TMEM178B: variants seen among roughly 807,000 people sequenced by gnomAD.
TMEM178B encodes the protein transmembrane protein 178B.
Under a neutral mutation model 31.0 loss-of-function variants are expected in TMEM178B, and 5 were observed. The observed-to-expected ratio is 0.16, with a 90% confidence interval of 0.08 to 0.34. The LOEUF is 0.34. Ranked by LOEUF, TMEM178B falls within the 10% of genes least tolerant of loss-of-function variation. The pLI, the probability that TMEM178B is intolerant of heterozygous loss-of-function variation, is 1.00. For synonymous variants in TMEM178B, 164 were observed against 164.0 expected, an observed-to-expected ratio of 1.00 and a Z score of 0.00; for missense variants, 275 against 400.3, an observed-to-expected ratio of 0.69 and a Z score of 2.67.
chr7:141,176,702 CA>C (rs1349824758), intron 1 of TMEM178B, among the ~76,000 whole-genome samples: 1 of 152,062 alleles, frequency 6.6e-6, no homozygotes, highest in Non-Finnish European at 1.5e-5. Context: ...TGTATGTGTC[CA>C]GGAATTTATT....
intron 2 of TMEM178B, among the ~76,000 whole-genome samples, chr7:141,363,315 A>T (rs1057332743): frequency 6.6e-6 from 1 of 152,200 alleles, no homozygotes; most frequent in Non-Finnish European, 1.5e-5. Flanking sequence ...TACATCACAC[A>T]TCACTTTCTT....
rs1400100952 is a variant in TMEM178B at position 141,461,303 on chromosome 7, CCT to C, written c.635-9227_635-9226del. On this transcript the variant is annotated intron_variant, in intron 3 of 3. Coordinates refer to ENST00000565468, the MANE Select transcript of TMEM178B (RefSeq NM_001195278.2). The surrounding 1 kb of genome is among the most constrained non-coding windows in gnomAD (Gnocchi z 4.0). Reference sequence around the variant, plus strand: ...GTAGGGCTCCAGTCAGAACATAGGCCCTCTCTCCACATAGCAACAAGAGAGGA... The same window carrying C: ...GTAGGGCTCCAGTCAGAACATAGGCCCTCTCCACATAGCAACAAGAGAGGA... 6.6e-6 allele frequency among the ~76,000 whole-genome samples: 1 copy of C among 152,148 alleles called. No homozygotes were observed. Among genetic ancestry groups the C allele is most frequent in the African/African-American group, 2.4e-5 (1 of 41,432 alleles).
At chr7:141,379,861 A>G (rs1211331013) in intron 2 of TMEM178B, among the ~76,000 whole-genome samples, 1 of 152,190 alleles carries the variant, frequency 6.6e-6, no homozygotes, top group Non-Finnish European at 1.5e-5. Context: ...GGCTAACACT[A>G]AACAGTTCTT....
chr7:141,166,458 C>A (rs1796262301), intron 1 of TMEM178B, among the ~76,000 whole-genome samples: 1 of 152,148 alleles, frequency 6.6e-6, no homozygotes, highest in East Asian at 1.9e-4. Context: ...GTTTGCTTTC[C>A]CCAGAACATA....
chr7:141,133,299 A>G (rs561745712), intron 1 of TMEM178B, among the ~76,000 whole-genome samples: 6 of 152,328 alleles, frequency 3.9e-5, no homozygotes, highest in East Asian at 3.9e-4. Flanking sequence ...AAGAAACTCA[A>G]TAAGATACAA....
rs149270704 is a variant in TMEM178B at position 141,200,763 on chromosome 7, C to G, written c.383-11828C>G. The stretch of plus-strand genomic sequence containing the variant: ...TCCAGGTGGCCAAAAGAGGAACGTA[C>G]GGAGGCAGATCAGGGAGGGAGCTGA... On this transcript the variant is annotated intron_variant, in intron 1 of 3. Transcript: ENST00000565468. Among the ~76,000 whole-genome samples, 4 of 152,206 alleles carry G rather than the reference C, an allele frequency of 2.6e-5. 1 individual carries two copies. Among genetic ancestry groups the G allele is most frequent in the African/African-American group, 9.6e-5 (4 of 41,528 alleles).
chr7:141,252,921 G>A (rs1203741929), intron 2 of TMEM178B, among the ~76,000 whole-genome samples: 1 of 152,212 alleles, frequency 6.6e-6, no homozygotes, highest in Non-Finnish European at 1.5e-5. Context: ...GATCTCCATG[G>A]ACAGCATTGC....
At chr7:141,183,286 CCCTGT>C (rs1347228419) in intron 1 of TMEM178B, among the ~76,000 whole-genome samples, 1 of 152,168 alleles carries the variant, frequency 6.6e-6, no homozygotes, top group African/African-American at 2.4e-5. Flanking sequence ...TCACAGCCCA[CCCTGT>C]CATTAGAATG....
At chr7:141,314,901 A>G (rs1586887031) in intron 2 of TMEM178B, among the ~76,000 whole-genome samples, 1 of 152,192 alleles carries the variant, frequency 6.6e-6, no homozygotes, top group Non-Finnish European at 1.5e-5. Flanking sequence ...AATATGGACC[A>G]GATGCTTAGT....
At chr7:141,118,955 C>T (rs867700408) in intron 1 of TMEM178B, among the ~76,000 whole-genome samples, 14 of 152,276 alleles carry the variant, frequency 9.2e-5, no homozygotes, top group Middle Eastern at 3.4e-3. Flanking sequence ...TATAGCAGGT[C>T]CCCAAGGGTA....
chr7:141,303,527 C>T (rs755175806), intron 2 of TMEM178B, among the ~76,000 whole-genome samples: 5 of 152,204 alleles, frequency 3.3e-5, no homozygotes, highest in Admixed American at 1.3e-4. Context: ...TGACGAGCTG[C>T]GTGCTCATGA....
intron 2 of TMEM178B, among the ~76,000 whole-genome samples, chr7:141,227,506 T>C (rs548034459): frequency 6.6e-6 from 1 of 152,198 alleles, no homozygotes; most frequent in Non-Finnish European, 1.5e-5. Context: ...TTATTATATC[T>C]GTTTGACAGA....
At chr7:141,188,216 C>T (rs148971078) in intron 1 of TMEM178B, among the ~76,000 whole-genome samples, 1,728 of 152,260 alleles carry the variant, frequency 0.011, 30 homozygotes, top group African/African-American at 0.037. Context: ...CATCTTCACA[C>T]GCCCGAACTC....
At chr7:141,110,566 G>T (rs967387641) in intron 1 of TMEM178B, among the ~76,000 whole-genome samples, 2 of 152,168 alleles carry the variant, frequency 1.3e-5, no homozygotes, top group African/African-American at 4.8e-5. Flanking sequence ...TTCTCCACAT[G>T]TGTCCTCTCC....
At chr7:141,308,129 C>T (rs1164931681) in intron 2 of TMEM178B, among the ~76,000 whole-genome samples, 2 of 152,144 alleles carry the variant, frequency 1.3e-5, no homozygotes, top group Admixed American at 1.3e-4. Flanking sequence ...GAATAACTTG[C>T]CCCAAGTCAC....
chr7:141,253,493 T>C (rs1454341514), intron 2 of TMEM178B, among the ~76,000 whole-genome samples: 1 of 151,990 alleles, frequency 6.6e-6, no homozygotes, highest in Non-Finnish European at 1.5e-5. Flanking sequence ...ATTTATTAGT[T>C]GAGTCCCTGT....
chr7:141,227,424 T>C (rs1377674023), intron 2 of TMEM178B, among the ~76,000 whole-genome samples: 1 of 152,230 alleles, frequency 6.6e-6, no homozygotes, highest in East Asian at 1.9e-4. Flanking sequence ...CTGACAGATG[T>C]GCAGAGGCTG....
intron 2 of TMEM178B, among the ~76,000 whole-genome samples, chr7:141,216,416 A>G (rs183180253): frequency 7.7e-6 from 1 of 130,636 alleles, no homozygotes; most frequent in Admixed American, 7.3e-5. Flanking sequence ...AGGCCAGAGG[A>G]TGAAGCCTGT....
chr7:141,226,000 A>G (rs1797335990), intron 2 of TMEM178B, among the ~76,000 whole-genome samples: 2 of 152,144 alleles, frequency 1.3e-5, no homozygotes, highest in East Asian at 1.9e-4. Context: ...GAAATGAGCA[A>G]TCAGGTGTGT....
Sources: allele counts gnomAD v4.1 joint callset (sites outside exome capture counted in the v4.1 genomes callset), GRCh38; gene constraint gnomAD v4.1.1; non-coding constraint Gnocchi (gnomAD v3.1); transcripts MANE v1.5; gene names NCBI Gene and HGNC (gene_info 2026-07-23, HGNC 2026-07-21).